The following SPATA17 variants were observed in gnomAD, a reference collection of about 807,000 sequenced individuals.
The protein encoded by SPATA17 is spermatogenesis-associated protein 17.
A neutral mutation model predicts 62.2 loss-of-function variants in SPATA17; 53 were observed. That is an observed-to-expected ratio of 0.85 (90% CI 0.68 to 1.07). SPATA17 has a LOEUF of 1.07. Among genes scored for constraint, SPATA17 ranks in the 50% least tolerant of loss-of-function variants. The pLI is 0.00. For missense variants in SPATA17, 466 were observed against 425.5 expected, an observed-to-expected ratio of 1.10 and a Z score of -0.84; for synonymous variants, 146 against 146.8, an observed-to-expected ratio of 0.99 and a Z score of 0.04.
At chr1:217,810,965 G>C (rs1292487031) in intron 9 of SPATA17, among the ~76,000 whole-genome samples, 2 of 151,960 alleles carry the variant, frequency 1.3e-5, no homozygotes, top group African/African-American at 2.4e-5. Context: ...ATGAGATTTT[G>C]GTGGGTACAC....
At chr1:217,788,760 T>C (rs1673924175) in intron 8 of SPATA17, among the ~76,000 whole-genome samples, 1 of 152,326 alleles carries the variant, frequency 6.6e-6, no homozygotes, top group East Asian at 1.9e-4. Context: ...ACCTTGATTT[T>C]AGCCCAGTAA....
intron 3 of SPATA17, among the ~76,000 whole-genome samples, chr1:217,658,934 G>A (rs573432760): frequency 4.6e-5 from 7 of 152,054 alleles, no homozygotes; most frequent in Admixed American, 3.3e-4. Flanking sequence ...CCTGAGCCAC[G>A]AGGGCATGAT....
In SPATA17 at chr1:217,739,468, C is replaced by T. The variant is rs532204282; in HGVS notation, c.396-2507C>T. On this transcript the variant is annotated intron_variant, in intron 5 of 10. Coordinates refer to ENST00000366933, the MANE Select transcript of SPATA17 (RefSeq NM_138796.4). Reference sequence around the variant, plus strand: ...TTAGTAAAAGCTATGCCATATATATCACAGGATTTTTTTTTGAGGATAGAA... The same window carrying T: ...TTAGTAAAAGCTATGCCATATATATTACAGGATTTTTTTTTGAGGATAGAA... The T allele has an allele frequency of 1.8e-4, 27 of 151,766 alleles. 1 individual carries two copies. Among genetic ancestry groups the T allele is most frequent in the Non-Finnish European group, 2.9e-4 (20 of 67,954 alleles). The allele number at this position is 151,766 out of a possible 1,614,324, so 9.4% of individuals were successfully genotyped here.
intron 5 of SPATA17, among the ~76,000 whole-genome samples, chr1:217,725,841 G>C (rs918017545): frequency 6.6e-6 from 1 of 152,052 alleles, no homozygotes; most frequent in East Asian, 1.9e-4. Context: ...TAATCTTCTT[G>C]TAAAGGAATG....
intron 9 of SPATA17, among the ~76,000 whole-genome samples, chr1:217,828,970 G>A (rs980668462): frequency 2.6e-5 from 4 of 151,964 alleles, no homozygotes; most frequent in African/African-American, 9.7e-5. Flanking sequence ...TAGAGAAAAG[G>A]GAACCCTAGT....
intron 8 of SPATA17, among the ~76,000 whole-genome samples, chr1:217,787,619 A>G (rs1673900881): frequency 6.6e-6 from 1 of 152,202 alleles, no homozygotes; most frequent in South Asian, 2.1e-4. Flanking sequence ...TTTATTGTAA[A>G]AACCTTAAAC....
chr1:217,647,912 G>A (rs1432994060), intron 1 of SPATA17, among the ~76,000 whole-genome samples: 1 of 151,862 alleles, frequency 6.6e-6, no homozygotes, highest in Non-Finnish European at 1.5e-5. Context: ...TAGTAGAAAC[G>A]GAGTTTCACC....
chr1:217,822,669 T>G (rs1674896312), intron 9 of SPATA17, among the ~76,000 whole-genome samples: 2 of 148,796 alleles, frequency 1.3e-5, no homozygotes, highest in South Asian at 4.2e-4. Context: ...ATATTTTATA[T>G]TTTTCATTTC....
At chr1:217,675,641 A>G (rs1466969262) in intron 4 of SPATA17, among the ~76,000 whole-genome samples, 2 of 152,314 alleles carry the variant, frequency 1.3e-5, no homozygotes, top group East Asian at 1.9e-4. Context: ...TGAATTAACA[A>G]TTGTATAGCA....
At chr1:217,844,244 G>A (rs541276770) in intron 9 of SPATA17, among the ~76,000 whole-genome samples, 88 of 152,178 alleles carry the variant, frequency 5.8e-4, no homozygotes, top group Admixed American at 1.0e-3. Context: ...GGAAATTTAC[G>A]ACTTTTATAG....
chr1:217,646,427 A>AT (rs949521410), intron 1 of SPATA17, among the ~76,000 whole-genome samples: 6 of 152,158 alleles, frequency 3.9e-5, no homozygotes, highest in African/African-American at 1.4e-4. Flanking sequence ...CTCTCAGTTT[A>AT]TTTTATGGTT....
chr1:217,659,634 T>A (rs1670522488), intron 3 of SPATA17, among the ~76,000 whole-genome samples: 1 of 152,112 alleles, frequency 6.6e-6, no homozygotes, highest in Non-Finnish European at 1.5e-5. Context: ...GATCCATATA[T>A]ATCTATATAG....
At chr1:217,740,002 C>T (rs1292078646) in intron 5 of SPATA17, among the ~76,000 whole-genome samples, 1 of 151,846 alleles carries the variant, frequency 6.6e-6, no homozygotes, top group African/African-American at 2.4e-5. Flanking sequence ...GTTCACTGTG[C>T]CATGCCACTG....
chr1:217,834,743 GAT>G (rs1045127534), intron 9 of SPATA17, among the ~76,000 whole-genome samples: 15 of 152,068 alleles, frequency 9.9e-5, no homozygotes, highest in African/African-American at 3.6e-4. Context: ...ATTAAAGAAA[GAT>G]AAATATTTTT....
chr1:217,683,374 A>G lies in SPATA17; in HGVS notation c.395+13A>G. The G allele has an allele frequency of 6.6e-7, 1 of 1,506,838 alleles. No homozygotes were observed. The highest frequency in any genetic ancestry group is 9.2e-7 in the Non-Finnish European group (1 of 1,085,574). 93.3% of individuals were successfully genotyped at this position (1,506,838 alleles called of 1,614,324 possible). ...ATGATGCAATTAGGTAAGTAGTGCA[A>G]TCATCCATTCACTAGGGAAAACTTT... On this transcript the variant is annotated intron_variant, in intron 5 of 10. Transcript: ENST00000366933.
intron 9 of SPATA17, among the ~76,000 whole-genome samples, chr1:217,820,307 A>G (rs1478692357): frequency 2.6e-5 from 4 of 152,226 alleles, no homozygotes; most frequent in Non-Finnish European, 5.9e-5. Context: ...CTCTGGATAC[A>G]ATGTGGATAC....
chr1:217,656,597 A>T (rs1247160256), intron 3 of SPATA17, among the ~76,000 whole-genome samples: 1 of 148,592 alleles, frequency 6.7e-6, no homozygotes. Flanking sequence ...TATTTTTGCC[A>T]TTGTGTACAC....
chr1:217,748,030 G>C (rs574438427), intron 6 of SPATA17, among the ~76,000 whole-genome samples: 1 of 152,098 alleles, frequency 6.6e-6, no homozygotes, highest in African/African-American at 2.4e-5. Context: ...TTGGCCGGGC[G>C]CGGTGGCTCA....
intron 1 of SPATA17, among the ~76,000 whole-genome samples, chr1:217,640,349 A>C (rs557048727): frequency 2.0e-5 from 3 of 152,140 alleles, no homozygotes; most frequent in Non-Finnish European, 4.4e-5. Flanking sequence ...TCTATACCAC[A>C]TACAAAAAAG....
Sources: allele counts gnomAD v4.1 joint callset (sites outside exome capture counted in the v4.1 genomes callset), GRCh38; gene constraint gnomAD v4.1.1; transcripts MANE v1.5; gene names NCBI Gene and HGNC (gene_info 2026-07-23, HGNC 2026-07-21).